Variants in HCFC1 observed in about 807,000 individuals in gnomAD.
HCFC1 encodes the protein host cell factor C1.
Under a neutral mutation model 105.5 loss-of-function variants are expected in HCFC1, and 7 were observed. That is an observed-to-expected ratio of 0.07 (90% CI 0.04 to 0.12). HCFC1 has a LOEUF of 0.12. HCFC1 is among the 10% of genes least tolerant of loss of function. The pLI is 1.00. For synonymous variants in HCFC1, 918 were observed against 828.1 expected, an observed-to-expected ratio of 1.11 and a Z score of -1.86; for missense variants, 1,065 against 1,823.6, an observed-to-expected ratio of 0.58 and a Z score of 7.58.
chrX:153,956,530 C>A, intron 15 of HCFC1, 95 bp downstream of exon 15: 1 of 1,132,335 alleles, frequency 8.8e-7, no homozygotes, highest in South Asian at 1.9e-5. Context: ...GAGAGAGGAG[C>A]TGCTGTGCCA....
At chrX:153,958,955 C>G (rs782086425) in intron 9 of HCFC1, among the ~76,000 whole-genome samples, 189 bp from the exon 10 acceptor site, 11 of 112,793 alleles carry the variant, frequency 9.8e-5, no homozygotes, top group Non-Finnish European at 1.7e-4. Flanking sequence ...CCACCACCCA[C>G]CATGCACGGC....
intron 4 of HCFC1, 109 bp from the exon 5 acceptor site, chrX:153,962,415 C>T: frequency 9.2e-6 from 5 of 541,401 alleles, no homozygotes; most frequent in African/African-American, 2.3e-5. Context: ...GAGAGAATTC[C>T]ATCCCTGGCT....
In HCFC1 at chrX:153,964,141, T is replaced by C; in HGVS notation, c.486A>G (p.Pro162=). 8.3e-7 allele frequency: 1 copy of C among 1,203,441 alleles called. No homozygotes were observed. The highest frequency in any genetic ancestry group is 1.1e-6 in the Non-Finnish European group (1 of 890,451). ...AGCCTCACCTTGGAATGTTGTTCTT[T>C]GGGTCCTCGCTATCATTGGCCAGAC... is the stretch of plus-strand genomic sequence containing the variant. ...FGGLANDSED[P]KNNIPRYLND... is the part of the protein sequence containing the mutation. Residue 162 remains proline (P), a synonymous_variant, in exon 3 of 26, where the codon CCA becomes CCG. Transcript: ENST00000310441.
At chrX:153,962,128 C>A in intron 5 of HCFC1, 94 bp downstream of exon 5, 1 of 664,844 alleles carries the variant, frequency 1.5e-6, no homozygotes, top group Non-Finnish European at 2.4e-6. Context: ...ATCCTCAGGC[C>A]TTAGGGTCTG....
intron 24 of HCFC1, 119 bp from the exon 25 acceptor site, chrX:153,949,735 AGGGT>A: frequency 1.5e-6 from 1 of 654,346 alleles, no homozygotes; most frequent in East Asian, 3.2e-5. Flanking sequence ...GCAGCTGGCA[AGGGT>A]GGGGCGCCTG....
At chrX:153,960,698 A>C (rs1443350919) in intron 6 of HCFC1, among the ~76,000 whole-genome samples, 1 of 112,744 alleles carries the variant, frequency 8.9e-6, no homozygotes, top group African/African-American at 3.2e-5. Context: ...AAGAGACGGC[A>C]ATGGGAAAGT....
intron 19 of HCFC1, 57 bp downstream of exon 19, chrX:153,952,457 C>G: frequency 9.3e-7 from 1 of 1,074,152 alleles, no homozygotes; most frequent in Non-Finnish European, 1.2e-6. Context: ...AGGCTGTCTC[C>G]GCGGCCTATT....
rs1557113476 is a variant in HCFC1 at position 153,954,057 on chromosome X, T to C, written c.4333+9A>G. ...GACCATGAAAGCCAGGCTGGCCACC[T>C]TCACTTACCTTGGTTTGAACTCATG... On this transcript the variant is annotated intron_variant, in intron 17 of 25. Coordinates refer to ENST00000310441, the MANE Select transcript of HCFC1 (RefSeq NM_005334.3). 2.5e-6 allele frequency: 3 copies of C among 1,183,561 alleles called. No individual in the cohort carries two copies. The African/African-American group carries it at 5.3e-5, about 21-fold the overall frequency.
At chrX:153,967,611 C>T (rs782196854) in intron 1 of HCFC1, among the ~76,000 whole-genome samples, 3 of 112,299 alleles carry the variant, frequency 2.7e-5, no homozygotes, top group East Asian at 5.6e-4. Context: ...TGCATGCCCC[C>T]CTCCCACGAT....
intron 1 of HCFC1, among the ~76,000 whole-genome samples, chrX:153,968,707 G>A (rs1241767155): frequency 1.8e-5 from 2 of 112,943 alleles, no homozygotes; most frequent in Non-Finnish European, 3.8e-5. Flanking sequence ...AGCCAAGGCA[G>A]CAGTGGTGGT....
At position 153,957,541 on chromosome X, in the gene HCFC1, G is replaced by T; in HGVS notation, c.2134-8C>A. On this transcript the variant is annotated splice_region_variant and splice_polypyrimidine_tract_variant and intron_variant, in intron 12 of 25. Coordinates refer to ENST00000310441, the MANE Select transcript of HCFC1 (RefSeq NM_005334.3). ...TGGCAGGGGCCCTTTGGTCTGAAAG[G>T]GGGAAGCAGGTGCATGAGCCGGCAT... The T allele has an allele frequency of 8.6e-7, 1 of 1,161,707 alleles. No homozygotes were observed. The highest frequency in any genetic ancestry group is 1.2e-6 in the Non-Finnish European group (1 of 855,460).
chrX:153,953,526 G>C (rs1312092812), intron 18 of HCFC1, 81 bp downstream of exon 18: 16 of 1,011,494 alleles, frequency 1.6e-5, no homozygotes, highest in Non-Finnish European at 2.2e-5. Flanking sequence ...TGGTACAAGA[G>C]CGACATCTGG....
chrX:153,956,361 C>G lies in HCFC1; in HGVS notation c.2686G>C (p.Gly896Arg). The change falls in exon 16 of 26, where the codon GGG becomes CGG. Residue 896 changes from glycine (G) to arginine (R), a missense_variant. Around this residue, in one of 17 missense-constraint regions of HCFC1, gnomAD observed 137 missense variants for 378.2 expected, o/e 0.36. Transcript: ENST00000310441. ...GCACTAGTGCTGTGGCCCCCCGCCC[C>G]GGCAAGGCTGGTGGAGACGGTGCCT... ...VTGTVSTSLA[G>R]AGGHSTSASL... The G allele has an allele frequency of 8.3e-7, 1 of 1,212,080 alleles. No homozygotes were observed. Among genetic ancestry groups the G allele is most frequent in the Admixed American group, 2.2e-5 (1 of 46,156 alleles).
intron 17 of HCFC1, 35 bp from the exon 18 acceptor site, chrX:153,953,805 G>C: frequency 6.9e-6 from 8 of 1,163,744 alleles, no homozygotes; most frequent in East Asian, 3.1e-5. Flanking sequence ...TGCTCAGCAG[G>C]AGCCCCCCCG....
intron 1 of HCFC1, 138 bp downstream of exon 1, chrX:153,970,510 G>A (rs1308374523): frequency 2.4e-5 from 10 of 421,019 alleles, no homozygotes; most frequent in East Asian, 1.4e-4. Flanking sequence ...AGAGAGAGAG[G>A]GAAGGGTAGA....
Position 153,949,234 on chromosome X carries a change from G to A in HCFC1, c.*113C>T, listed in dbSNP as rs995254392. ...GAGAAAGGGGAGAGGAGTGAACAGC[G>A]GCTCGCGAGGGTGAAGTGCGAATGC... On this transcript the variant is annotated 3_prime_UTR_variant, in exon 26 of 26. Coordinates refer to ENST00000310441, the MANE Select transcript of HCFC1 (RefSeq NM_005334.3). 17 of 537,354 alleles carry A rather than the reference G, an allele frequency of 3.2e-5. No homozygotes were observed. The highest frequency in any genetic ancestry group is 2.2e-4 in the African/African-American group (9 of 40,550). 44.3% of individuals were successfully genotyped at this position (537,354 alleles called of 1,213,427 possible).
intron 6 of HCFC1, 111 bp from the exon 7 acceptor site, chrX:153,960,525 A>T (rs1197595889): frequency 8.1e-6 from 4 of 491,442 alleles, no homozygotes; most frequent in African/African-American, 7.2e-5. Flanking sequence ...TCAAGAAGTT[A>T]TTGGATTATT....
At position 153,953,836 on chromosome X, in the gene HCFC1, C is replaced by A; in HGVS notation, c.4334-66G>T. 2.8e-6 allele frequency: 3 copies of A among 1,068,008 alleles called. No homozygotes were observed. In the South Asian group the frequency reaches 6.2e-5, roughly 22 times the overall value. The allele number at this position is 1,068,008 out of a possible 1,213,427, so 88.0% of individuals were successfully genotyped here. The stretch of plus-strand genomic sequence containing the variant: ...CCCCGGCCTGTACTTGGCTTGACCA[C>A]CACAGGCTTCCTCTACCACCAAGGG... On this transcript the variant is annotated intron_variant, in intron 17 of 25. Coordinates refer to ENST00000310441, the MANE Select transcript of HCFC1 (RefSeq NM_005334.3).
intron 1 of HCFC1, among the ~76,000 whole-genome samples, chrX:153,965,596 C>T (rs781864104): frequency 8.0e-5 from 9 of 112,294 alleles, no homozygotes; most frequent in Non-Finnish European, 1.5e-4. Flanking sequence ...AAACTGGGGG[C>T]CAGGTGCAAC....
Sources: gnomAD v4.1 joint callset for allele counts (sites outside exome capture counted in the v4.1 genomes callset) on GRCh38, gnomAD v4.1.1 for gene constraint, gnomAD v4.1.1 regional missense constraint, MANE v1.5 for transcripts, NCBI Gene and HGNC (gene_info 2026-07-23, HGNC 2026-07-21) for gene names.